Variants in ZBTB20 observed in about 807,000 individuals in gnomAD.
ZBTB20 encodes zinc finger and BTB domain-containing protein 20.
In ZBTB20, 9 loss-of-function variants were observed where a neutral mutation model predicts 56.9. The ratio of observed to expected loss-of-function variants is 0.16; its 90% CI spans 0.10 to 0.28. The LOEUF is 0.28. Ranked by LOEUF, ZBTB20 falls within the 10% of genes least tolerant of loss-of-function variation. ZBTB20 has a pLI of 1.00. For missense variants in ZBTB20, 655 were observed against 1,003.0 expected (o/e 0.65, Z 4.69); for synonymous variants, 417 against 420.7 (o/e 0.99, Z 0.11).
At chr3:114,895,575 T>C (rs1251124466) in intron 4 of ZBTB20, among the ~76,000 whole-genome samples, 1 of 152,114 alleles carries the variant, frequency 6.6e-6, no homozygotes, top group East Asian at 1.9e-4. Flanking sequence ...TGAACTGAGA[T>C]AAGCAACAGA....
At position 114,322,367 on chromosome 3, in the gene ZBTB20, TG is replaced by T. The variant is rs1194287109; in HGVS notation, c.*16637del. Reference sequence around the variant, plus strand: ...TACGTCCTCTGATGACAAGGTCTCCTGTAAATACCATTGTGAACAGAAGGAA... The same window carrying T: ...TACGTCCTCTGATGACAAGGTCTCCTTAAATACCATTGTGAACAGAAGGAA... On this transcript the variant is annotated 3_prime_UTR_variant, in exon 12 of 12. Transcript: ENST00000675478. The T allele has an allele frequency of 6.6e-6, 1 of 152,226 alleles. No homozygotes were observed. The highest frequency in any genetic ancestry group is 1.5e-5 in the Non-Finnish European group (1 of 68,056). The allele number at this position is 152,226 out of a possible 1,614,324, so 9.4% of individuals were successfully genotyped here.
At chr3:114,939,850 A>G (rs1326978345) in intron 3 of ZBTB20, among the ~76,000 whole-genome samples, 1 of 146,350 alleles carries the variant, frequency 6.8e-6, no homozygotes, top group African/African-American at 2.8e-5. Flanking sequence ...GCTGGGTGAC[A>G]CACCAAGACC....
At chr3:114,400,461 C>G (rs1369625300) in intron 7 of ZBTB20, among the ~76,000 whole-genome samples, 1 of 152,008 alleles carries the variant, frequency 6.6e-6, no homozygotes, top group Non-Finnish European at 1.5e-5. Context: ...GAACTGACAG[C>G]CAGTCCACTT....
intron 7 of ZBTB20, among the ~76,000 whole-genome samples, chr3:114,469,199 C>T (rs945511014): frequency 1.3e-5 from 2 of 151,890 alleles, no homozygotes; most frequent in Admixed American, 1.3e-4. Flanking sequence ...AAGGGCAAGA[C>T]GGTGTTTGGA....
intron 4 of ZBTB20, among the ~76,000 whole-genome samples, chr3:114,817,494 G>C (rs989218883): frequency 6.7e-6 from 1 of 149,496 alleles, no homozygotes; most frequent in East Asian, 2.0e-4. Context: ...CTATAGCCTG[G>C]GCAAAAAGAG....
At position 114,335,951 on chromosome 3, in the gene ZBTB20, T is replaced by C. The variant is rs2079438984; in HGVS notation, c.*3054A>G. The C allele has an allele frequency of 6.6e-6, 1 of 152,210 alleles. No homozygotes were observed. Among genetic ancestry groups the C allele is most frequent in the South Asian group, 2.1e-4 (1 of 4,828 alleles). 9.4% of individuals were successfully genotyped at this position (152,210 alleles called of 1,614,324 possible). A position where few individuals can be genotyped will look rare whatever the true frequency, so the allele number is the denominator to read the frequency against. On this transcript the variant is annotated 3_prime_UTR_variant, in exon 12 of 12. Transcript: ENST00000675478. ...TAACCCAATTGCTTAGCATTTTACA[T>C]GGCAAATCAGCATTAAGGCAAATGG...
chr3:114,645,382 A>C (rs2059783297), intron 6 of ZBTB20, among the ~76,000 whole-genome samples: 1 of 152,200 alleles, frequency 6.6e-6, no homozygotes, highest in South Asian at 2.1e-4. Context: ...CTGGCAAATT[A>C]ATTATATAGG....
chr3:114,987,872 G>T (rs1268151670), intron 2 of ZBTB20, among the ~76,000 whole-genome samples: 2 of 152,090 alleles, frequency 1.3e-5, no homozygotes, highest in Non-Finnish European at 2.9e-5. Flanking sequence ...TTGAAAGGGA[G>T]GGAAGATTAG....
chr3:114,697,947 T>C (rs1187961085), intron 5 of ZBTB20, among the ~76,000 whole-genome samples: 1 of 152,104 alleles, frequency 6.6e-6, no homozygotes, highest in East Asian at 1.9e-4. Context: ...TCCAATCCTA[T>C]TTCTAATAAG....
intron 7 of ZBTB20, among the ~76,000 whole-genome samples, chr3:114,399,673 G>A (rs2086647171): frequency 6.6e-6 from 1 of 151,566 alleles, no homozygotes; most frequent in Non-Finnish European, 1.5e-5. Flanking sequence ...TATTGGGTGT[G>A]TAACAGGCCA....
chr3:114,647,120 A>G (rs1406121457), intron 6 of ZBTB20, among the ~76,000 whole-genome samples: 1 of 151,852 alleles, frequency 6.6e-6, no homozygotes, highest in African/African-American at 2.4e-5. Context: ...CACCACGCCC[A>G]GCTAATTTTT....
chr3:114,493,855 G>T (rs140133065), intron 7 of ZBTB20, among the ~76,000 whole-genome samples: 10 of 152,176 alleles, frequency 6.6e-5, no homozygotes, highest in African/African-American at 2.4e-4. Flanking sequence ...CAGATTATAA[G>T]CTCCAGAAGG....
At chr3:114,461,694 GAGTAGT>G (rs1408719779) in intron 7 of ZBTB20, among the ~76,000 whole-genome samples, 1 of 152,188 alleles carries the variant, frequency 6.6e-6, no homozygotes, top group Non-Finnish European at 1.5e-5. Flanking sequence ...GCTCCTAAAA[GAGTAGT>G]CCTTGGGCCA....
chr3:114,905,344 G>C (rs2075281320), intron 3 of ZBTB20, among the ~76,000 whole-genome samples: 1 of 151,852 alleles, frequency 6.6e-6, no homozygotes, highest in South Asian at 2.1e-4. Flanking sequence ...TTACTGGCCT[G>C]CTTGTATACA....
At chr3:114,519,794 A>T (rs1260885646) in intron 6 of ZBTB20, 1 of 152,192 alleles carries the variant, frequency 6.6e-6, no homozygotes, top group African/African-American at 2.4e-5. Flanking sequence ...AGTCCCAAAC[A>T]ACCATACATT....
intron 7 of ZBTB20, among the ~76,000 whole-genome samples, chr3:114,409,125 CTTTTTTTTTTTTTT>C (rs56339103): frequency 9.6e-4 from 69 of 71,986 alleles, no homozygotes; most frequent in African/African-American, 3.5e-3. Flanking sequence ...AAAGGGAAGA[CTTTTTTTTTTTTTT>C]TTTTTTTTTT....
intron 10 of ZBTB20, among the ~76,000 whole-genome samples, chr3:114,369,458 G>A (rs1440397317): frequency 6.6e-6 from 1 of 152,134 alleles, no homozygotes; most frequent in African/African-American, 2.4e-5. Flanking sequence ...TGTTCCATGT[G>A]GTTGTTTATA....
chr3:115,147,003 CG>C, intron 1 of ZBTB20, among the ~76,000 whole-genome samples: 1 of 148,584 alleles, frequency 6.7e-6, no homozygotes, highest in Non-Finnish European at 1.5e-5. Flanking sequence ...CGGGGCGGGG[CG>C]GGGCGGGGCG....
intron 7 of ZBTB20, among the ~76,000 whole-genome samples, chr3:114,454,143 AAG>A (rs2091831146): frequency 2.3e-5 from 3 of 127,674 alleles, no homozygotes; most frequent in Admixed American, 1.7e-4. Flanking sequence ...GAGAGAGAGG[AAG>A]AGAGAGAGGA....
Sources: gnomAD v4.1 joint callset for allele counts (sites outside exome capture counted in the v4.1 genomes callset) on GRCh38, gnomAD v4.1.1 for gene constraint, MANE v1.5 for transcripts, NCBI Gene and HGNC (gene_info 2026-07-23, HGNC 2026-07-21) for gene names.